TASP1: variants seen among roughly 807,000 people sequenced by gnomAD.
TASP1 encodes taspase 1.
In TASP1, 16 loss-of-function variants were observed where a neutral mutation model predicts 56.6. The ratio of observed to expected loss-of-function variants is 0.28; its 90% CI spans 0.19 to 0.43. TASP1 has a LOEUF of 0.43. Ranked by LOEUF, TASP1 falls within the 20% of genes least tolerant of loss-of-function variation. TASP1 has a pLI of 1.00. For missense variants in TASP1, 393 were observed against 511.6 expected (o/e 0.77, Z 2.24); for synonymous variants, 179 against 184.2 (o/e 0.97, Z 0.23).
intron 9 of TASP1, among the ~76,000 whole-genome samples, chr20:13,532,191 C>T (rs2045247221): frequency 6.6e-6 from 1 of 152,190 alleles, no homozygotes; most frequent in Admixed American, 6.5e-5. Flanking sequence ...CAGGAGTGAG[C>T]CACTGCGCCT....
the TASP1 span, among the ~76,000 whole-genome samples, chr20:13,341,809 A>C: frequency 2.6e-5 from 4 of 152,170 alleles, no homozygotes; most frequent in African/African-American, 9.7e-5. Flanking sequence ...GATGAAACGG[A>C]GGAACAGCTG....
At chr20:13,390,520 T>A in intron 13 of TASP1, 68 bp from the exon 14 acceptor site, 1 of 1,450,048 alleles carries the variant, frequency 6.9e-7, no homozygotes, top group Non-Finnish European at 9.6e-7. Flanking sequence ...CCCCTACCCG[T>A]GTCCAAAAAA....
chr20:13,212,522 A>C, the TASP1 span, among the ~76,000 whole-genome samples: 2 of 152,160 alleles, frequency 1.3e-5, no homozygotes, highest in Non-Finnish European at 2.9e-5. Flanking sequence ...CACACACACA[A>C]AAGTGTGAGA....
chr20:13,340,060 G>A, the TASP1 span, among the ~76,000 whole-genome samples: 1 of 151,942 alleles, frequency 6.6e-6, no homozygotes. Context: ...TCTGAAAAAG[G>A]CCAATACTAT....
At chr20:13,144,753 ATGTG>A in the TASP1 span, among the ~76,000 whole-genome samples, 1 of 151,584 alleles carries the variant, frequency 6.6e-6, no homozygotes, top group Non-Finnish European at 1.5e-5. Flanking sequence ...GAGGTCTACT[ATGTG>A]TGTGTGTGTG....
the TASP1 span, among the ~76,000 whole-genome samples, chr20:13,347,385 C>A: frequency 5.9e-5 from 9 of 152,188 alleles, no homozygotes; most frequent in Non-Finnish European, 1.3e-4. Context: ...AACAGGAACT[C>A]CTCCTTTCCT....
intron 10 of TASP1, among the ~76,000 whole-genome samples, chr20:13,500,450 C>A (rs2043904224): frequency 6.6e-6 from 1 of 151,058 alleles, no homozygotes; most frequent in Non-Finnish European, 1.5e-5. Context: ...AGAGAAGGAA[C>A]AGGCAACAGA....
At chr20:13,518,753 G>A (rs891730486) in intron 10 of TASP1, among the ~76,000 whole-genome samples, 13 of 152,070 alleles carry the variant, frequency 8.5e-5, no homozygotes, top group African/African-American at 3.1e-4. Flanking sequence ...ATTTAGAGCA[G>A]GGTAGAAAAT....
intron 11 of TASP1, among the ~76,000 whole-genome samples, chr20:13,439,916 T>C (rs922276857): frequency 1.3e-5 from 2 of 151,984 alleles, no homozygotes; most frequent in Non-Finnish European, 2.9e-5. Flanking sequence ...TGAAGATGAG[T>C]GTTCAAACTG....
At chr20:13,585,777 A>T (rs1272518321) in intron 5 of TASP1, among the ~76,000 whole-genome samples, 1 of 152,216 alleles carries the variant, frequency 6.6e-6, no homozygotes, top group Non-Finnish European at 1.5e-5. Context: ...ATAAACTGCA[A>T]CAATTACTTT....
At chr20:13,632,572 T>C (rs189947842) in intron 1 of TASP1, among the ~76,000 whole-genome samples, 3 of 152,268 alleles carry the variant, frequency 2.0e-5, no homozygotes, top group Non-Finnish European at 4.4e-5. Flanking sequence ...CCTCAGAGAC[T>C]ATCTGAAATA....
At chr20:13,515,754 A>G (rs1336141292) in intron 10 of TASP1, among the ~76,000 whole-genome samples, 1 of 151,882 alleles carries the variant, frequency 6.6e-6, no homozygotes, top group Non-Finnish European at 1.5e-5. Flanking sequence ...CTGGGCATCA[A>G]TTTTTTCATG....
chr20:13,193,553 C>G, the TASP1 span, among the ~76,000 whole-genome samples: 1 of 152,298 alleles, frequency 6.6e-6, no homozygotes, highest in East Asian at 1.9e-4. Context: ...GTTGCATATA[C>G]TAGTTAGAAA....
chr20:13,618,392 G>A (rs897662518), intron 4 of TASP1, among the ~76,000 whole-genome samples: 12 of 152,164 alleles, frequency 7.9e-5, no homozygotes, highest in Middle Eastern at 6.8e-3. Flanking sequence ...CAGCCTAGGC[G>A]ACAGAGCAAG....
At chr20:13,391,811 C>CA (rs1444844496) in intron 13 of TASP1, among the ~76,000 whole-genome samples, 10 of 151,002 alleles carry the variant, frequency 6.6e-5, no homozygotes, top group African/African-American at 2.4e-4. Flanking sequence ...ACTAAAAATG[C>CA]AAAAAAATTA....
the TASP1 span, among the ~76,000 whole-genome samples, chr20:13,116,723 C>T: frequency 1.3e-5 from 2 of 152,302 alleles, no homozygotes; most frequent in Non-Finnish European, 2.9e-5. Flanking sequence ...CAAAAGAGTT[C>T]ATCTACAGCA....
the TASP1 span, chr20:13,299,002 A>G: frequency 1.2e-6 from 2 of 1,613,520 alleles, no homozygotes; most frequent in Non-Finnish European, 1.7e-6. The surrounding 1 kb of genome is among the most constrained non-coding windows in gnomAD (Gnocchi z 5.8). Flanking sequence ...AAGTACATGC[A>G]CAAGGTGATG....
rs1393004647 is a variant in TASP1, at chr20:13,558,437, C to T, written c.675+571G>A. Among the ~76,000 whole-genome samples the T allele has an allele frequency of 7.9e-5, 12 of 152,054 alleles. No individual in the cohort carries two copies. The East Asian group carries it at 2.3e-3, about 29-fold the overall frequency. On this transcript the variant is annotated intron_variant, in intron 8 of 13. Coordinates refer to ENST00000337743, the MANE Select transcript of TASP1 (RefSeq NM_017714.3). ...GGAGCTGTAAGAACCAAAACAGTAGCCACGAGCCAAATGTAGCTATTCAGA... is the reference window on the plus strand; with the variant it reads ...GGAGCTGTAAGAACCAAAACAGTAGTCACGAGCCAAATGTAGCTATTCAGA...
chr20:13,521,324 C>T (rs1181604302), intron 10 of TASP1, among the ~76,000 whole-genome samples: 1 of 152,116 alleles, frequency 6.6e-6, no homozygotes, highest in Non-Finnish European at 1.5e-5. Context: ...CACATGCACA[C>T]GTATGTTTAC....
Sources: gnomAD v4.1 joint callset for allele counts (sites outside exome capture counted in the v4.1 genomes callset) on GRCh38, gnomAD v4.1.1 for gene constraint, Gnocchi (gnomAD v3.1) non-coding constraint, MANE v1.5 for transcripts, NCBI Gene and HGNC (gene_info 2026-07-23, HGNC 2026-07-21) for gene names.